The following EXD2 variants were observed in gnomAD, a reference collection of about 807,000 sequenced individuals.
EXD2 encodes exonuclease 3'-5' domain-containing protein 2.
A neutral mutation model predicts 62.5 loss-of-function variants in EXD2; 40 were observed. The ratio of observed to expected loss-of-function variants is 0.64; its 90% CI spans 0.50 to 0.83. The LOEUF is 0.83. Among genes scored for constraint, EXD2 ranks in the 40% least tolerant of loss-of-function variants. The pLI is 0.00. For synonymous variants in EXD2, 239 were observed against 291.9 expected (o/e 0.82, Z 1.85); for missense variants, 671 against 761.8 (o/e 0.88, Z 1.40).
Position 69,234,683 on chromosome 14 carries a change from C to CTA in EXD2, c.718-16_718-15insAT. ...TTTGCCTTCCAGATTCCACTGATCT[C>CTA]TGACTTTTCTCTTCAGGTAATTTAT... On this transcript the variant is annotated splice_polypyrimidine_tract_variant and intron_variant, in intron 5 of 9. Coordinates refer to ENST00000685843, the MANE Select transcript of EXD2 (RefSeq NM_001193360.2). The CTA allele has an allele frequency of 6.3e-7, 1 of 1,592,554 alleles. No homozygotes were observed. Among genetic ancestry groups the CTA allele is most frequent in the Non-Finnish European group, 8.5e-7 (1 of 1,170,322 alleles).
Position 69,241,429 on chromosome 14 carries a change from T to TA in EXD2, c.*337dup, listed in dbSNP as rs1332077802. The TA allele has an allele frequency of 4.9e-5, 14 of 283,782 alleles. No individual in the cohort carries two copies. Among genetic ancestry groups the TA allele is most frequent in the East Asian group, 1.3e-4 (2 of 15,954 alleles). 17.6% of individuals were successfully genotyped at this position (283,782 alleles called of 1,614,324 possible). ...CTCCCAGAAGTGACTTGTCAAGACT[T>TA]AAAAAAAATGTTTTTAATGCATTTC... is the stretch of plus-strand genomic sequence containing the variant. On this transcript the variant is annotated 3_prime_UTR_variant, in exon 10 of 10. Transcript: ENST00000685843.
chr14:69,220,533 C>T (rs2043149115), intron 3 of EXD2, among the ~76,000 whole-genome samples: 1 of 144,472 alleles, frequency 6.9e-6, no homozygotes, highest in Non-Finnish European at 1.5e-5. Context: ...GCTGGGATTA[C>T]AAGTGTGAGC....
intron 3 of EXD2, among the ~76,000 whole-genome samples, chr14:69,221,983 G>A (rs1346351584): frequency 2.6e-5 from 4 of 151,110 alleles, no homozygotes; most frequent in African/African-American, 9.7e-5. Flanking sequence ...AGCTACTCGG[G>A]AGGCTGAGGC....
intron 1 of EXD2, among the ~76,000 whole-genome samples, chr14:69,202,762 G>T (rs1452068695): frequency 1.3e-5 from 2 of 152,166 alleles, no homozygotes; most frequent in African/African-American, 4.8e-5. Flanking sequence ...GTTTGAGAGG[G>T]AAGCATAATC....
At chr14:69,209,393 TATAA>T (rs2140234790) in intron 2 of EXD2, 27 bp from the exon 3 acceptor site, 2 of 1,224,120 alleles carry the variant, frequency 1.6e-6, no homozygotes, top group East Asian at 5.2e-5. Context: ...ATATTCTGTA[TATAA>T]ATATATTTTT....
rs950936989 is a variant in EXD2, at chr14:69,243,654, T to A, written c.*2554T>A. 6.6e-6 allele frequency: 1 copy of A among 152,262 alleles called. No individual in the cohort carries two copies. The highest frequency in any genetic ancestry group is 2.4e-5 in the African/African-American group (1 of 41,472). 9.4% of individuals were successfully genotyped at this position (152,262 alleles called of 1,614,324 possible). ...ATCTCTTTGGCTCTATCTTTGGTAA[T>A]TTCTTAAGAATGGAATCTTAGAATT... is the stretch of plus-strand genomic sequence containing the variant. On this transcript the variant is annotated 3_prime_UTR_variant, in exon 10 of 10. Transcript: ENST00000685843.
At chr14:69,236,316 CA>C in intron 7 of EXD2, 90 bp from the exon 8 acceptor site, 1 of 1,597,750 alleles carries the variant, frequency 6.3e-7, no homozygotes, top group Non-Finnish European at 8.6e-7. Context: ...TCTGCCAGGC[CA>C]TAGCAGAGAA....
intron 3 of EXD2, among the ~76,000 whole-genome samples, chr14:69,226,048 A>G (rs1375005066): frequency 6.6e-6 from 1 of 152,220 alleles, no homozygotes; most frequent in Non-Finnish European, 1.5e-5. Context: ...AAATTAATGT[A>G]TGGTAGACAA....
chr14:69,200,355 T>C (rs1304114741), intron 1 of EXD2, among the ~76,000 whole-genome samples: 1 of 152,142 alleles, frequency 6.6e-6, no homozygotes, highest in East Asian at 1.9e-4. Flanking sequence ...GTGATGGTGA[T>C]GGTTGCACAG....
rs59641366 is a variant in EXD2 at position 69,220,783 on chromosome 14, C to T, written c.334-8033C>T. ...ACTGGGAAGGCTGAGGCAGGAGAATCGCTTGAAACCGGAAGGCAGAGGTTG... is the reference window on the plus strand; with the variant it reads ...ACTGGGAAGGCTGAGGCAGGAGAATTGCTTGAAACCGGAAGGCAGAGGTTG... On this transcript the variant is annotated intron_variant, in intron 3 of 9. Transcript: ENST00000685843. Among the ~76,000 whole-genome samples, 1,439 of 151,972 alleles carry T rather than the reference C, an allele frequency of 9.5e-3. 24 individuals carry two copies. Among genetic ancestry groups the T allele is most frequent in the African/African-American group, 0.033 (1,365 of 41,486 alleles).
intron 3 of EXD2, among the ~76,000 whole-genome samples, chr14:69,226,599 T>G (rs1393218999): frequency 6.6e-6 from 1 of 152,014 alleles, no homozygotes; most frequent in African/African-American, 2.4e-5. Flanking sequence ...AATACAAAAA[T>G]TAGCTGGGTG....
At chr14:69,222,335 TCTTTC>T (rs537625179) in intron 3 of EXD2, among the ~76,000 whole-genome samples, 43 of 152,306 alleles carry the variant, frequency 2.8e-4, no homozygotes, top group Admixed American at 1.4e-3. Context: ...GTCTATTGTT[TCTTTC>T]CTTCTGTTCT....
chr14:69,241,220 A>C lies in EXD2; in HGVS notation c.*120A>C. Reference sequence around the variant, plus strand: ...CCTGTGTGACACAACTCAGAATACTAACCTAGACTAATCCCAGGATGCTTC... The same window carrying C: ...CCTGTGTGACACAACTCAGAATACTCACCTAGACTAATCCCAGGATGCTTC... On this transcript the variant is annotated 3_prime_UTR_variant, in exon 10 of 10. Coordinates refer to ENST00000685843, the MANE Select transcript of EXD2 (RefSeq NM_001193360.2). 1 of 730,092 alleles carries C rather than the reference A, an allele frequency of 1.4e-6. No homozygotes were observed. Among genetic ancestry groups the C allele is most frequent in the Non-Finnish European group, 2.2e-6 (1 of 451,972 alleles). 45.2% of individuals were successfully genotyped at this position (730,092 alleles called of 1,614,324 possible). A position where few individuals can be genotyped will look rare whatever the true frequency, so the allele number is the denominator to read the frequency against.
chr14:69,197,876 A>G (rs1273231674), intron 1 of EXD2, among the ~76,000 whole-genome samples: 1 of 152,206 alleles, frequency 6.6e-6, no homozygotes, highest in African/African-American at 2.4e-5. Flanking sequence ...CAAAAATAGG[A>G]TAATTATAGT....
chr14:69,235,425 C>T (rs1238107560), intron 6 of EXD2, among the ~76,000 whole-genome samples: 1 of 152,186 alleles, frequency 6.6e-6, no homozygotes, highest in African/African-American at 2.4e-5. Context: ...AGGAGAAATG[C>T]ATCATCTGAT....
chr14:69,219,409 G>A (rs1197446388), intron 3 of EXD2, among the ~76,000 whole-genome samples: 1 of 152,116 alleles, frequency 6.6e-6, no homozygotes, highest in Non-Finnish European at 1.5e-5. Flanking sequence ...GAACACTTAG[G>A]TTGATTCTAT....
At chr14:69,211,569 C>T (rs2042805196) in intron 3 of EXD2, among the ~76,000 whole-genome samples, 1 of 151,216 alleles carries the variant, frequency 6.6e-6, no homozygotes. Flanking sequence ...TACACCACAG[C>T]TACTGAGGGT....
chr14:69,234,582 G>C (rs2043702496), intron 5 of EXD2, 118 bp from the exon 6 acceptor site: 2 of 830,324 alleles, frequency 2.4e-6, no homozygotes, highest in Non-Finnish European at 3.7e-6. Context: ...TGGTGCCCAG[G>C]TTGTCGTACA....
intron 1 of EXD2, among the ~76,000 whole-genome samples, chr14:69,194,809 G>T (rs778004346): frequency 7.2e-5 from 11 of 152,036 alleles, no homozygotes; most frequent in Non-Finnish European, 1.2e-4. Context: ...TTATTTTATT[G>T]GAAGTCATAT....
Sources: allele counts gnomAD v4.1 joint callset (sites outside exome capture counted in the v4.1 genomes callset), GRCh38; gene constraint gnomAD v4.1.1; transcripts MANE v1.5; gene names NCBI Gene and HGNC (gene_info 2026-07-23, HGNC 2026-07-21).